Variants in ACSL6 observed in about 807,000 individuals in gnomAD.
ACSL6 encodes acyl-CoA synthetase long chain family member 6.
Under a neutral mutation model 98.2 loss-of-function variants are expected in ACSL6, and 47 were observed. The ratio of observed to expected loss-of-function variants is 0.48; its 90% CI spans 0.38 to 0.61. ACSL6 has a LOEUF of 0.61. Among genes scored for constraint, ACSL6 ranks in the 20% least tolerant of loss-of-function variants. The pLI is 0.00. For missense variants in ACSL6, 761 were observed against 913.4 expected (o/e 0.83, Z 2.15); for synonymous variants, 362 against 336.9 (o/e 1.07, Z -0.82).
Position 131,988,166 on chromosome 5 carries a change from A to G in ACSL6, c.713T>C (p.Val238Ala). 1 of 1,614,114 alleles carries G rather than the reference A, an allele frequency of 6.2e-7. No individual in the cohort carries two copies. The highest frequency in any genetic ancestry group is 8.5e-7 in the Non-Finnish European group (1 of 1,180,004). Residue 238 changes from valine (V) to alanine (A), a missense_variant, in exon 7 of 21, where the codon GTG (valine) becomes GCG (alanine). Val to Ala is a moderately conservative substitution (Grantham distance 64). Coordinates refer to ENST00000651883, the MANE Select transcript of ACSL6 (RefSeq NM_001009185.3). ...GAGGCCTGGAGTCTCCTTCCTCTCC[A>G]CATGCTCTAGCAGAAGCACAGCCTT... is the stretch of plus-strand genomic sequence containing the variant. ...PQKAVLLLEH[V>A]ERKETPGLKL...
chr5:131,970,672 G>A (rs1358859818), intron 14 of ACSL6, among the ~76,000 whole-genome samples: 1 of 152,144 alleles, frequency 6.6e-6, no homozygotes, highest in East Asian at 1.9e-4. Flanking sequence ...GCCTCCCAAA[G>A]TGCTGGGATT....
chr5:131,974,893 C>A lies in ACSL6; in HGVS notation c.1068G>T (p.Gln356His), dbSNP rs1275950447. 3.1e-6 allele frequency: 5 copies of A among 1,614,032 alleles called. No individual in the cohort carries two copies. The highest frequency in any genetic ancestry group is 4.2e-6 in the Non-Finnish European group (5 of 1,180,036). The part of the protein sequence containing the change: ...PLAHMFERVI[Q>H]SVVYCHGGRV... ...CCGGTCAGTCAGGTGGGTGTCTTAC[C>A]TGGATTACTCTCTCAAACATGTGAG... The change falls in exon 11 of 21, where the codon CAG becomes CAT. Residue 356 changes from glutamine to histidine, a missense_variant and splice_region_variant. By Grantham distance (24) the Gln-to-His change is conservative. Transcript: ENST00000651883.
At position 131,972,782 on chromosome 5, in the gene ACSL6, C is replaced by T. The variant is rs762139509; in HGVS notation, c.1280G>A (p.Arg427Gln). The change falls in exon 13 of 21, where the codon CGG becomes CAG. Residue 427 changes from arginine to glutamine, a missense_variant. By Grantham distance (43) the Arg-to-Gln change is conservative (BLOSUM62 1). Coordinates refer to ENST00000651883, the MANE Select transcript of ACSL6 (RefSeq NM_001009185.3). ...FAAKRKQAEVRSGIIRNDSIW... is the reference protein window; with the variant it reads ...FAAKRKQAEVQSGIIRNDSIW... The stretch of plus-strand genomic sequence containing the variant: ...ACTATCATTCCTGATGATTCCACTC[C>T]GGACCTCGGCTTGCTTACGCTTTGC... 4.0e-5 allele frequency: 64 copies of T among 1,614,068 alleles called. No homozygotes were observed. Among genetic ancestry groups the T allele is most frequent in the Non-Finnish European group, 4.6e-5 (54 of 1,180,044 alleles).
intron 19 of ACSL6, 97 bp downstream of exon 19, chr5:131,960,423 G>T: frequency 1.1e-6 from 1 of 925,714 alleles, no homozygotes; most frequent in Non-Finnish European, 1.6e-6. Context: ...TTTCGTACGA[G>T]CTCGAATTTC....
intron 20 of ACSL6, among the ~76,000 whole-genome samples, chr5:131,956,163 A>G (rs615305): frequency 0.22 from 32,827 of 152,066 alleles, 3,840 homozygotes; most frequent in East Asian, 0.51. Context: ...TTGAAAAGCC[A>G]GCAGTGACAA....
At position 131,955,872 on chromosome 5, in the gene ACSL6, A is replaced by G. The variant is rs80057975; in HGVS notation, c.2032-1501T>C. ...ACCTTTACTGTCAAAATGAAAAACTAAAAAATTGACAGTACTAATATCCTT... is the reference window on the plus strand; with the variant it reads ...ACCTTTACTGTCAAAATGAAAAACTGAAAAATTGACAGTACTAATATCCTT... On this transcript the variant is annotated intron_variant, in intron 20 of 20. Transcript: ENST00000651883. Among the ~76,000 whole-genome samples the G allele has an allele frequency of 4.7e-3, 715 of 152,358 alleles. 8 individuals are homozygous for G. The highest frequency in any genetic ancestry group is 0.016 in the African/African-American group (679 of 41,586).
chr5:131,974,887 T>A lies in ACSL6; in HGVS notation c.1068+6A>T. ...CAAGGCCCGGTCAGTCAGGTGGGTGTCTTACCTGGATTACTCTCTCAAACA... is the reference window on the plus strand; with the variant it reads ...CAAGGCCCGGTCAGTCAGGTGGGTGACTTACCTGGATTACTCTCTCAAACA... On this transcript the variant is annotated splice_donor_region_variant and intron_variant, in intron 11 of 20. Transcript: ENST00000651883. 2 of 1,614,060 alleles carry A rather than the reference T, an allele frequency of 1.2e-6. No homozygotes were observed. The highest frequency in any genetic ancestry group is 1.3e-5 in the African/African-American group (1 of 75,002).
intron 1 of ACSL6, among the ~76,000 whole-genome samples, chr5:132,005,223 G>A (rs1013863698): frequency 3.3e-5 from 5 of 152,220 alleles, no homozygotes; most frequent in African/African-American, 1.2e-4. Context: ...CAGCCCATCT[G>A]CTGGAAAGCA....
At chr5:131,970,057 G>T in intron 15 of ACSL6, 71 bp downstream of exon 15, 1 of 1,373,068 alleles carries the variant, frequency 7.3e-7, no homozygotes, top group Non-Finnish European at 1.0e-6. Context: ...TTCCATGAGG[G>T]AGTTTTAGAG....
chr5:131,958,881 T>C (rs1421684399), intron 20 of ACSL6, among the ~76,000 whole-genome samples: 1 of 152,122 alleles, frequency 6.6e-6, no homozygotes, highest in Non-Finnish European at 1.5e-5. Flanking sequence ...ATTTTAAATA[T>C]AAGGAAATTT....
Position 131,990,836 on chromosome 5 carries a change from C to A in ACSL6, c.385+17G>T, listed in dbSNP as rs201377012. ...GCCACACAGCCCCTCCACACCCCCC[C>A]CCACAACCCTTCTCACCTGAGATGC... On this transcript the variant is annotated intron_variant, in intron 3 of 20. Transcript: ENST00000651883. 1.9e-6 allele frequency: 3 copies of A among 1,612,048 alleles called. No homozygotes were observed. Among genetic ancestry groups the A allele is most frequent in the East Asian group, 2.2e-5 (1 of 44,874 alleles).
chr5:131,990,023 C>A, intron 4 of ACSL6, 77 bp downstream of exon 4: 1 of 1,474,894 alleles, frequency 6.8e-7, no homozygotes, highest in Non-Finnish European at 9.3e-7. Context: ...CCAGCAGGTG[C>A]CCACATCCCT....
At chr5:131,971,499 G>T in intron 14 of ACSL6, 51 bp downstream of exon 14, 1 of 1,477,782 alleles carries the variant, frequency 6.8e-7, no homozygotes, top group African/African-American at 1.4e-5. Context: ...TAGTTTTCCT[G>T]CCCTAACGAA....
Position 131,962,626 on chromosome 5 carries a change from T to C in ACSL6, c.1766A>G (p.Gln589Arg), listed in dbSNP as rs768946592. The change falls in exon 18 of 21, where the codon CAG becomes CGG. Residue 589 changes from glutamine to arginine, a missense_variant. By Grantham distance (43) the Gln-to-Arg change is conservative. Transcript: ENST00000651883. ...CTTCTCGGGTGCAACATATTCTCCC[T>C]GAGCAAGTTTAAATATATGCTTTTT... Reference protein sequence around the residue: ...DRKKHIFKLAQGEYVAPEKIE... With the variant: ...DRKKHIFKLARGEYVAPEKIE... 1.2e-6 allele frequency: 2 copies of C among 1,614,152 alleles called. No individual in the cohort carries two copies. The highest frequency in any genetic ancestry group is 1.1e-5 in the South Asian group (1 of 91,082).
intron 1 of ACSL6, among the ~76,000 whole-genome samples, chr5:132,005,186 T>C (rs1755335868): frequency 1.3e-5 from 2 of 151,894 alleles, no homozygotes; most frequent in Middle Eastern, 3.4e-3. Context: ...AATGCGTGAG[T>C]TGAAGGTGTC....
chr5:131,957,844 A>C (rs2149682718), intron 20 of ACSL6, among the ~76,000 whole-genome samples: 1 of 152,344 alleles, frequency 6.6e-6, no homozygotes, highest in East Asian at 1.9e-4. Flanking sequence ...AGCTGAGGGC[A>C]CACACTGGCT....
chr5:131,987,654 T>C lies in ACSL6; in HGVS notation c.831+394A>G, dbSNP rs73786738. Among the ~76,000 whole-genome samples the C allele has an allele frequency of 2.9e-3, 442 of 152,046 alleles. 1 individual carries two copies. The highest frequency in any genetic ancestry group is 9.7e-3 in the African/African-American group (404 of 41,472). ...CATCCATTCTGCTGGCCGCTGGGGGTCTGGATCACATTTGTAAGAACCTCT... is the reference window on the plus strand; with the variant it reads ...CATCCATTCTGCTGGCCGCTGGGGGCCTGGATCACATTTGTAAGAACCTCT... On this transcript the variant is annotated intron_variant, in intron 7 of 20. Coordinates refer to ENST00000651883, the MANE Select transcript of ACSL6 (RefSeq NM_001009185.3).
chr5:132,010,637 T>C (rs567117066), intron 1 of ACSL6, among the ~76,000 whole-genome samples: 2 of 152,360 alleles, frequency 1.3e-5, no homozygotes, highest in East Asian at 3.9e-4. Context: ...TTAAGGCCAA[T>C]TTAAGGATCA....
chr5:131,977,243 G>T (rs1048141720), intron 9 of ACSL6, among the ~76,000 whole-genome samples: 1 of 152,230 alleles, frequency 6.6e-6, no homozygotes, highest in African/African-American at 2.4e-5. Context: ...CCTGCTCCTT[G>T]GCAGAAATGG....
Sources: allele counts gnomAD v4.1 joint callset (sites outside exome capture counted in the v4.1 genomes callset), GRCh38; gene constraint gnomAD v4.1.1; transcripts MANE v1.5; gene names NCBI Gene and HGNC (gene_info 2026-07-23, HGNC 2026-07-21).